RBM27: variants seen among roughly 807,000 people sequenced by gnomAD.
RBM27 encodes RNA-binding protein 27.
RBM27 carries 22 observed loss-of-function variants against 135.3 expected under a neutral mutation model. That is an observed-to-expected ratio of 0.16 (90% CI 0.12 to 0.23). The LOEUF is 0.23. Ranked by LOEUF, RBM27 falls within the 10% of genes least tolerant of loss-of-function variation. RBM27 has a pLI of 1.00. For synonymous variants in RBM27, 481 were observed against 442.4 expected, an observed-to-expected ratio of 1.09 and a Z score of -1.10; for missense variants, 1,009 against 1,281.0, an observed-to-expected ratio of 0.79 and a Z score of 3.24.
At chr5:146,225,567 G>GTT (rs5871958) in intron 3 of RBM27, among the ~76,000 whole-genome samples, 96 of 133,566 alleles carry the variant, frequency 7.2e-4, no homozygotes, top group African/African-American at 2.2e-3. Flanking sequence ...TTACCTTTCT[G>GTT]TTTTTTTTTT....
At chr5:146,216,055 G>A (rs376372735) in intron 1 of RBM27, among the ~76,000 whole-genome samples, 1 of 151,956 alleles carries the variant, frequency 6.6e-6, no homozygotes, top group East Asian at 1.9e-4. Context: ...GCTGGCATGT[G>A]TAATTTTTAT....
chr5:146,221,227 C>T (rs1756451390), intron 2 of RBM27, among the ~76,000 whole-genome samples: 1 of 150,708 alleles, frequency 6.6e-6, no homozygotes, highest in African/African-American at 2.4e-5. Flanking sequence ...AGGAACTATA[C>T]ACTACATTTT....
chr5:146,252,245 T>C (rs774547368), intron 9 of RBM27, among the ~76,000 whole-genome samples: 2 of 152,234 alleles, frequency 1.3e-5, no homozygotes, highest in African/African-American at 2.4e-5. Flanking sequence ...AAAACAAAAA[T>C]AAACATCTGG....
chr5:146,235,509 T>C (rs1354200116), intron 7 of RBM27, among the ~76,000 whole-genome samples: 1 of 152,072 alleles, frequency 6.6e-6, no homozygotes, highest in Admixed American at 6.6e-5. Flanking sequence ...TGAGCTGTGA[T>C]GGCCTCACTG....
intron 17 of RBM27, among the ~76,000 whole-genome samples, chr5:146,270,586 A>G (rs1031434484): frequency 1.3e-5 from 2 of 152,204 alleles, no homozygotes; most frequent in Non-Finnish European, 2.9e-5. Context: ...ATCTGGTAGT[A>G]ATTATGTAGC....
intron 1 of RBM27, among the ~76,000 whole-genome samples, chr5:146,215,606 AT>A (rs999364930): frequency 5.3e-5 from 8 of 152,124 alleles, no homozygotes; most frequent in East Asian, 1.9e-4. Context: ...TGGAAATGTA[AT>A]TTTTTTCCCC....
chr5:146,235,721 C>T (rs1347417246), intron 7 of RBM27, among the ~76,000 whole-genome samples: 2 of 151,716 alleles, frequency 1.3e-5, no homozygotes, highest in African/African-American at 4.8e-5. Flanking sequence ...ACTCTGTGCC[C>T]TAGGCTGGAG....
intron 8 of RBM27, among the ~76,000 whole-genome samples, chr5:146,241,940 TA>T (rs1291052585): frequency 6.6e-6 from 1 of 152,160 alleles, no homozygotes; most frequent in Non-Finnish European, 1.5e-5. Context: ...ATAATCTTTT[TA>T]AAAATTTATT....
intron 14 of RBM27, 24 bp from the exon 15 acceptor site, chr5:146,267,625 T>G: frequency 1.3e-6 from 1 of 771,904 alleles, no homozygotes; most frequent in Non-Finnish European, 1.8e-6. Flanking sequence ...TTGTGTGTGC[T>G]TTTTTTTTTT....
Position 146,283,222 on chromosome 5 carries a change from C to T in RBM27, c.2989-1400C>T, listed in dbSNP as rs58662475. 8.7e-3 allele frequency among the ~76,000 whole-genome samples: 1,323 copies of T among 152,202 alleles called. 24 individuals are homozygous for T. Among genetic ancestry groups the T allele is most frequent in the African/African-American group, 0.029 (1,192 of 41,524 alleles). ...AGTAAAGGGTAAAGGATCTCTGTTACGTACATTACCTAATTTTTAAAAGAT... is the reference window on the plus strand; with the variant it reads ...AGTAAAGGGTAAAGGATCTCTGTTATGTACATTACCTAATTTTTAAAAGAT... On this transcript the variant is annotated intron_variant, in intron 19 of 20. Coordinates refer to ENST00000265271, the MANE Select transcript of RBM27 (RefSeq NM_018989.2).
rs1401714728 is a variant in RBM27 at position 146,203,787 on chromosome 5, G to A, written c.22G>A (p.Ala8Thr). The A allele has an allele frequency of 2.6e-5, 40 of 1,550,156 alleles. No individual in the cohort carries two copies. Among genetic ancestry groups the A allele is most frequent in the East Asian group, 4.9e-5 (2 of 40,772 alleles). The change falls in exon 1 of 21, where the codon GCC (alanine) becomes ACC (threonine). Residue 8 changes from alanine to threonine, a missense_variant. Ala to Thr is a moderately conservative substitution (Grantham distance 58, BLOSUM62 0). Around this residue, in one of 6 missense-constraint regions of RBM27, gnomAD observed 268 missense variants for 326.6 expected, o/e 0.82. Coordinates refer to ENST00000265271, the MANE Select transcript of RBM27 (RefSeq NM_018989.2). ...CACCATGCTCATAGAGGATGTGGAT[G>A]CCCTCAAGTCCTGGCTGGCCAAGTT... is the stretch of plus-strand genomic sequence containing the variant. MLIEDVDALKSWLAKLLE... is the reference protein window; with the variant it reads MLIEDVDTLKSWLAKLLE...
intron 6 of RBM27, 127 bp from the exon 7 acceptor site, chr5:146,233,323 A>C: frequency 7.0e-7 from 1 of 1,426,172 alleles, no homozygotes; most frequent in Non-Finnish European, 9.2e-7. Context: ...TAACACTGAG[A>C]CTTTGGATTC....
intron 19 of RBM27, among the ~76,000 whole-genome samples, chr5:146,277,849 G>A (rs1393039220): frequency 6.6e-6 from 1 of 151,850 alleles, no homozygotes; most frequent in Admixed American, 6.6e-5. Flanking sequence ...TTTTCATTAT[G>A]TGGGACAGTG....
At chr5:146,267,182 G>T (rs1400786209) in intron 14 of RBM27, among the ~76,000 whole-genome samples, 1 of 152,174 alleles carries the variant, frequency 6.6e-6, no homozygotes, top group African/African-American at 2.4e-5. Context: ...GATTTAGAAG[G>T]ATTTAAGGAA....
chr5:146,204,115 G>T (rs1326776576), intron 1 of RBM27, among the ~76,000 whole-genome samples: 1 of 152,186 alleles, frequency 6.6e-6, no homozygotes, highest in African/African-American at 2.4e-5. Context: ...GGCCGTGAGG[G>T]AATTTAAAAC....
intron 19 of RBM27, among the ~76,000 whole-genome samples, chr5:146,283,391 G>A (rs1174890955): frequency 6.6e-6 from 1 of 152,074 alleles, no homozygotes; most frequent in African/African-American, 2.4e-5. Flanking sequence ...AAAAAAATTA[G>A]CCAGGTGAGG....
chr5:146,278,814 C>T lies in RBM27; in HGVS notation c.2989-5808C>T, dbSNP rs954254608. On this transcript the variant is annotated intron_variant, in intron 19 of 20. Coordinates refer to ENST00000265271, the MANE Select transcript of RBM27 (RefSeq NM_018989.2). Reference sequence around the variant, plus strand: ...TGAGCTCACTGCATGCTCCGCCTCGCAGGTTCATGCCATTCTCCTGCCTCA... The same window carrying T: ...TGAGCTCACTGCATGCTCCGCCTCGTAGGTTCATGCCATTCTCCTGCCTCA... Among the ~76,000 whole-genome samples the T allele has an allele frequency of 5.3e-5, 8 of 151,720 alleles. No homozygotes were observed. The East Asian group carries it at 1.6e-3, about 30-fold the overall frequency.
chr5:146,283,267 C>T (rs1341980417), intron 19 of RBM27, among the ~76,000 whole-genome samples: 1 of 152,116 alleles, frequency 6.6e-6, no homozygotes, highest in Non-Finnish European at 1.5e-5. Context: ...AGACCAGGTG[C>T]TGTGGCTCGT....
intron 19 of RBM27, among the ~76,000 whole-genome samples, chr5:146,281,522 T>TA (rs1225038384): frequency 6.6e-6 from 1 of 152,050 alleles, no homozygotes; most frequent in Non-Finnish European, 1.5e-5. Flanking sequence ...ACACATAAAA[T>TA]ACACTAACAC....
Sources: allele counts gnomAD v4.1 joint callset (sites outside exome capture counted in the v4.1 genomes callset), GRCh38; gene constraint gnomAD v4.1.1; regional missense constraint gnomAD v4.1.1; transcripts MANE v1.5; gene names NCBI Gene and HGNC (gene_info 2026-07-23, HGNC 2026-07-21).